Variants in P3H2 observed in about 807,000 individuals in gnomAD.
P3H2 encodes prolyl 3-hydroxylase 2, also known as leprecan-like 1.
P3H2 carries 80 observed loss-of-function variants against 87.0 expected under a neutral mutation model. The ratio of observed to expected loss-of-function variants is 0.92; its 90% CI spans 0.77 to 1.11. The LOEUF (loss-of-function observed/expected upper bound fraction) is 1.11. P3H2 is among the 50% of genes least tolerant of loss of function. P3H2 has a pLI of 0.00. For missense variants in P3H2, 1,001 were observed against 923.9 expected (o/e 1.08, Z -1.08); for synonymous variants, 367 against 359.3 (o/e 1.02, Z -0.24).
chr3:190,085,026 A>G (rs899668647), intron 1 of P3H2, among the ~76,000 whole-genome samples: 14 of 152,276 alleles, frequency 9.2e-5, no homozygotes, highest in Middle Eastern at 6.8e-3. Context: ...CATCTCAAAT[A>G]CAGAATTACA....
At chr3:189,975,862 T>G (rs370823488) in intron 8 of P3H2, among the ~76,000 whole-genome samples, 2 of 152,354 alleles carry the variant, frequency 1.3e-5, no homozygotes, top group South Asian at 2.1e-4. Context: ...AATGTTCGGT[T>G]ATCTGTTAAA....
intron 1 of P3H2, among the ~76,000 whole-genome samples, chr3:190,000,309 G>A (rs1056765366): frequency 6.6e-6 from 1 of 152,148 alleles, no homozygotes; most frequent in African/African-American, 2.4e-5. Context: ...TCATGCCCCA[G>A]TTCATTAGTT....
At chr3:190,116,258 C>T (rs1712284193) in intron 1 of P3H2, among the ~76,000 whole-genome samples, 1 of 152,134 alleles carries the variant, frequency 6.6e-6, no homozygotes, top group South Asian at 2.1e-4. Context: ...GAAAGGTCTA[C>T]TATTTTAACT....
intron 1 of P3H2, among the ~76,000 whole-genome samples, chr3:190,063,995 T>TC: frequency 6.8e-6 from 1 of 147,550 alleles, no homozygotes; most frequent in East Asian, 2.0e-4. Flanking sequence ...ATAAACTTTT[T>TC]TTTTTTTTTT....
intron 1 of P3H2, among the ~76,000 whole-genome samples, chr3:190,062,563 G>T (rs537358161): frequency 6.6e-6 from 1 of 152,100 alleles, no homozygotes; most frequent in African/African-American, 2.4e-5. Context: ...GGACTTAATA[G>T]GTGTCCAGTG....
At chr3:189,971,319 C>T (rs372547391) in intron 12 of P3H2, among the ~76,000 whole-genome samples, 1 of 152,200 alleles carries the variant, frequency 6.6e-6, no homozygotes, top group South Asian at 2.1e-4. Flanking sequence ...TGTGGCCTAG[C>T]CACGCCTTGC....
At chr3:190,033,210 T>C (rs527293168) in intron 1 of P3H2, among the ~76,000 whole-genome samples, 2 of 152,314 alleles carry the variant, frequency 1.3e-5, no homozygotes, top group Non-Finnish European at 2.9e-5. Context: ...TACAGTCGCT[T>C]GCTCACCTGC....
intron 1 of P3H2, among the ~76,000 whole-genome samples, chr3:190,055,406 CCTTTA>C (rs1405360315): frequency 6.6e-6 from 1 of 151,960 alleles, no homozygotes; most frequent in African/African-American, 2.4e-5. Context: ...CAATTTTACC[CCTTTA>C]CTTAAAAAAG....
chr3:190,073,686 C>T (rs1031748464), intron 1 of P3H2, among the ~76,000 whole-genome samples: 3 of 152,100 alleles, frequency 2.0e-5, no homozygotes, highest in Non-Finnish European at 2.9e-5. Flanking sequence ...GGCTCAGTTA[C>T]GGCAAACTGA....
chr3:190,067,921 G>GA (rs542298399), intron 1 of P3H2, among the ~76,000 whole-genome samples: 2 of 151,714 alleles, frequency 1.3e-5, no homozygotes, highest in Admixed American at 6.6e-5. Flanking sequence ...GAAGACCTAA[G>GA]AAAAAAATGT....
intron 1 of P3H2, among the ~76,000 whole-genome samples, chr3:190,074,127 G>A (rs1289890901): frequency 6.6e-6 from 1 of 152,154 alleles, no homozygotes; most frequent in Non-Finnish European, 1.5e-5. Flanking sequence ...ATCTTGTGGT[G>A]TTTCAGTTTC....
intron 8 of P3H2, 48 bp downstream of exon 8, chr3:189,982,998 A>G: frequency 7.1e-7 from 1 of 1,410,696 alleles, no homozygotes; most frequent in Non-Finnish European, 1.0e-6. Context: ...GTCAAGCCCC[A>G]TCTTCCCCTT....
chr3:190,097,689 A>C (rs1727629209), intron 1 of P3H2, among the ~76,000 whole-genome samples: 1 of 151,564 alleles, frequency 6.6e-6, no homozygotes, highest in Admixed American at 6.6e-5. Context: ...TTGGCAGTGG[A>C]TATTATCATA....
intron 1 of P3H2, among the ~76,000 whole-genome samples, chr3:190,089,975 C>T (rs1431995586): frequency 1.3e-5 from 2 of 152,046 alleles, no homozygotes; most frequent in African/African-American, 4.8e-5. Context: ...GGCAGAGTCT[C>T]AGTGGTCAGT....
At chr3:190,075,275 C>T (rs556493255) in intron 1 of P3H2, among the ~76,000 whole-genome samples, 1 of 152,266 alleles carries the variant, frequency 6.6e-6, no homozygotes, top group East Asian at 1.9e-4. Flanking sequence ...CACCTGAGAT[C>T]AGGAGTTCGA....
chr3:190,111,453 C>T (rs1577329314), intron 1 of P3H2, among the ~76,000 whole-genome samples: 2 of 152,044 alleles, frequency 1.3e-5, no homozygotes, highest in Admixed American at 1.3e-4. Flanking sequence ...AAATGGGATG[C>T]CTGGAATACT....
Position 190,007,054 on chromosome 3 carries a change from A to G in P3H2, c.481-11612T>C, listed in dbSNP as rs140232136. Among the ~76,000 whole-genome samples, 9 of 152,368 alleles carry G rather than the reference A, an allele frequency of 5.9e-5. No homozygotes were observed. The East Asian group carries it at 1.7e-3, about 29-fold the overall frequency. On this transcript the variant is annotated intron_variant, in intron 1 of 14. Transcript: ENST00000319332. ...AAAAGGGCTGTGAAAAGTAAAAACT[A>G]AAATACGTGAGGTAAAATTTCACTT...
intron 1 of P3H2, among the ~76,000 whole-genome samples, chr3:190,070,258 A>G (rs979689379): frequency 1.3e-5 from 2 of 152,136 alleles, no homozygotes; most frequent in African/African-American, 2.4e-5. Context: ...AGAGAGGAAG[A>G]GAAGCAGATT....
chr3:189,983,473 G>A (rs1031132095), intron 7 of P3H2: 16 of 255,384 alleles, frequency 6.3e-5, no homozygotes, highest in African/African-American at 8.8e-5. Context: ...GTGTCCAATG[G>A]GGCCTGGAAC....
Sources: allele counts gnomAD v4.1 joint callset (sites outside exome capture counted in the v4.1 genomes callset), GRCh38; gene constraint gnomAD v4.1.1; transcripts MANE v1.5; gene names NCBI Gene and HGNC (gene_info 2026-07-23, HGNC 2026-07-21).